The following PLXDC2 variants were observed in gnomAD, a reference collection of about 807,000 sequenced individuals.
PLXDC2 encodes the protein plexin domain containing 2.
Under a neutral mutation model 68.9 loss-of-function variants are expected in PLXDC2, and 40 were observed. That is an observed-to-expected ratio of 0.58 (90% CI 0.45 to 0.76). The LOEUF (loss-of-function observed/expected upper bound fraction) is 0.76, where lower values mean the gene tolerates loss of function less well. PLXDC2 is among the 30% of genes least tolerant of loss of function. The pLI is 0.00. For missense variants in PLXDC2, 644 were observed against 661.9 expected, an observed-to-expected ratio of 0.97 and a Z score of 0.30; for synonymous variants, 243 against 234.2, an observed-to-expected ratio of 1.04 and a Z score of -0.34.
intron 1 of PLXDC2, among the ~76,000 whole-genome samples, chr10:19,850,762 G>C (rs1488640856): frequency 6.6e-6 from 1 of 152,102 alleles, no homozygotes; most frequent in Non-Finnish European, 1.5e-5. Flanking sequence ...TAGCAGATAA[G>C]AAAGCAAATC....
At chr10:19,969,395 A>G (rs958287032) in intron 1 of PLXDC2, among the ~76,000 whole-genome samples, 2 of 152,244 alleles carry the variant, frequency 1.3e-5, no homozygotes, top group Admixed American at 1.3e-4. Flanking sequence ...TTCTGACATG[A>G]TATTCCACCA....
At chr10:20,111,736 A>C (rs1245550727) in intron 4 of PLXDC2, among the ~76,000 whole-genome samples, 1 of 152,218 alleles carries the variant, frequency 6.6e-6, no homozygotes, top group Non-Finnish European at 1.5e-5. Flanking sequence ...TTCTTGTAAG[A>C]AAGTTCATTC....
At position 20,012,166 on chromosome 10, in the gene PLXDC2, T is replaced by A. The variant is rs1589584895; in HGVS notation, c.324+10180T>A. On this transcript the variant is annotated intron_variant, in intron 2 of 13. Coordinates refer to ENST00000377252, the MANE Select transcript of PLXDC2 (RefSeq NM_032812.9). The stretch of plus-strand genomic sequence containing the variant: ...TTCTCTGATTATCTAAACATATGTA[T>A]GAAAAGTTGTGTTTCTATTTTTAAG... 2.0e-5 allele frequency among the ~76,000 whole-genome samples: 3 copies of A among 152,138 alleles called. No homozygotes were observed. In the East Asian group the frequency reaches 5.8e-4, roughly 29 times the overall value.
chr10:20,255,830 G>A (rs576512559), intron 13 of PLXDC2, among the ~76,000 whole-genome samples: 3 of 152,074 alleles, frequency 2.0e-5, no homozygotes, highest in South Asian at 2.1e-4. Flanking sequence ...ACAATCAATG[G>A]TATTTTTAGT....
chr10:20,125,562 G>A (rs988534449), intron 4 of PLXDC2, among the ~76,000 whole-genome samples: 2 of 152,078 alleles, frequency 1.3e-5, no homozygotes, highest in African/African-American at 2.4e-5. Context: ...AATAAAGGTG[G>A]AAATATCACA....
chr10:20,083,669 T>C (rs1833145674), intron 4 of PLXDC2, among the ~76,000 whole-genome samples: 1 of 152,206 alleles, frequency 6.6e-6, no homozygotes, highest in African/African-American at 2.4e-5. Context: ...AGTATAAAGC[T>C]TTCTTCATAA....
chr10:20,106,601 T>C (rs895104267), intron 4 of PLXDC2, among the ~76,000 whole-genome samples: 2 of 152,156 alleles, frequency 1.3e-5, no homozygotes, highest in African/African-American at 4.8e-5. Flanking sequence ...GGAGCTGTCA[T>C]AGGACCTTTC....
At chr10:19,912,568 A>G (rs1380273453) in intron 1 of PLXDC2, among the ~76,000 whole-genome samples, 2 of 152,120 alleles carry the variant, frequency 1.3e-5, no homozygotes, top group African/African-American at 4.8e-5. Flanking sequence ...AACAGGAGTA[A>G]TGATATTGGT....
intron 1 of PLXDC2, among the ~76,000 whole-genome samples, chr10:19,948,385 T>C (rs75563017): frequency 0.11 from 9,013 of 79,596 alleles, 321 homozygotes; most frequent in African/African-American, 0.15. Context: ...TTTCTTTCTT[T>C]CTTTCTTTTT....
intron 1 of PLXDC2, among the ~76,000 whole-genome samples, chr10:19,950,873 C>G (rs964971406): frequency 6.6e-6 from 1 of 152,138 alleles, no homozygotes; most frequent in Non-Finnish European, 1.5e-5. Context: ...TAATTGTTGA[C>G]AGAGTTGACA....
intron 4 of PLXDC2, among the ~76,000 whole-genome samples, chr10:20,095,211 G>A (rs182847783): frequency 4.6e-5 from 7 of 152,088 alleles, no homozygotes; most frequent in South Asian, 2.1e-4. Context: ...AAATCAGTGC[G>A]TATTTTATGC....
intron 1 of PLXDC2, among the ~76,000 whole-genome samples, chr10:19,935,713 T>C (rs948724708): frequency 6.6e-6 from 1 of 152,176 alleles, no homozygotes; most frequent in Non-Finnish European, 1.5e-5. Flanking sequence ...CAATGAAGTG[T>C]CACCTCCCCA....
At chr10:20,044,308 CTCTT>C (rs1283836553) in intron 2 of PLXDC2, among the ~76,000 whole-genome samples, 2 of 117,316 alleles carry the variant, frequency 1.7e-5, no homozygotes, top group African/African-American at 6.2e-5. Context: ...TTCTCTCTCT[CTCTT>C]TCTTTCTTTC....
chr10:19,860,880 T>C (rs1329728196), intron 1 of PLXDC2, among the ~76,000 whole-genome samples: 1 of 152,308 alleles, frequency 6.6e-6, no homozygotes, highest in East Asian at 1.9e-4. Flanking sequence ...TCTTTACTCC[T>C]ACTCTGTGCA....
chr10:19,880,871 T>C (rs1475101767), intron 1 of PLXDC2, among the ~76,000 whole-genome samples: 1 of 152,240 alleles, frequency 6.6e-6, no homozygotes, highest in Admixed American at 6.5e-5. Context: ...AAAATAACTT[T>C]GCATGTTTTT....
chr10:19,908,151 A>C (rs907923239), intron 1 of PLXDC2, among the ~76,000 whole-genome samples: 2 of 152,120 alleles, frequency 1.3e-5, no homozygotes, highest in Non-Finnish European at 2.9e-5. Context: ...TTTATCATTA[A>C]AATTATGTTT....
chr10:19,985,657 A>G lies in PLXDC2; in HGVS notation c.113-16118A>G, dbSNP rs573879642. Reference sequence around the variant, plus strand: ...AATTAGTCAATCCTTTACTGACTTTATGTGTGATAGCCGGATATCTTCAGA... The same window carrying G: ...AATTAGTCAATCCTTTACTGACTTTGTGTGTGATAGCCGGATATCTTCAGA... On this transcript the variant is annotated intron_variant, in intron 1 of 13. Transcript: ENST00000377252. Among the ~76,000 whole-genome samples the G allele has an allele frequency of 2.0e-5, 3 of 152,330 alleles. No individual in the cohort carries two copies. The South Asian group carries it at 6.2e-4, about 32-fold the overall frequency.
intron 1 of PLXDC2, among the ~76,000 whole-genome samples, chr10:19,825,215 A>G (rs959947003): frequency 1.3e-5 from 2 of 152,112 alleles, no homozygotes; most frequent in East Asian, 1.9e-4. Flanking sequence ...TTTTTACTCA[A>G]TAATTGGACA....
intron 1 of PLXDC2, among the ~76,000 whole-genome samples, chr10:19,851,832 G>A (rs2131326809): frequency 6.6e-6 from 1 of 152,292 alleles, no homozygotes; most frequent in Middle Eastern, 3.4e-3. Context: ...ACAGGCATGA[G>A]CCACTGCACC....
Sources: allele counts gnomAD v4.1 joint callset (sites outside exome capture counted in the v4.1 genomes callset), GRCh38; gene constraint gnomAD v4.1.1; transcripts MANE v1.5; gene names NCBI Gene and HGNC (gene_info 2026-07-23, HGNC 2026-07-21).